Variants in PCDHGB4 observed in about 807,000 individuals in gnomAD.
The protein encoded by PCDHGB4 is protocadherin gamma-B4.
PCDHGB4 carries 38 observed loss-of-function variants against 60.5 expected under a neutral mutation model. That is an observed-to-expected ratio of 0.63 (90% confidence interval 0.48 to 0.82). The LOEUF is 0.82. Ranked by LOEUF, PCDHGB4 falls within the 40% of genes least tolerant of loss-of-function variation. The pLI is 0.00. For synonymous variants in PCDHGB4, 456 were observed against 509.7 expected, an observed-to-expected ratio of 0.89 and a Z score of 1.42; for missense variants, 1,109 against 1,209.6, an observed-to-expected ratio of 0.92 and a Z score of 1.23.
intron 1 of PCDHGB4, chr5:141,427,221 T>C (rs1312743800): frequency 2.2e-6 from 1 of 456,628 alleles, no homozygotes; most frequent in Non-Finnish European, 4.4e-6. Context: ...TCGTAGCAGT[T>C]ATACCATGAG....
chr5:141,465,966 C>CA (rs2099113454), intron 1 of PCDHGB4, among the ~76,000 whole-genome samples: 1 of 151,802 alleles, frequency 6.6e-6, no homozygotes, highest in Non-Finnish European at 1.5e-5. Flanking sequence ...ACTAAAAATA[C>CA]AAAAAATTAG....
At chr5:141,423,758 G>GGGC (rs1554116874) in intron 1 of PCDHGB4, 82 of 366,752 alleles carry the variant, frequency 2.2e-4, no homozygotes, top group Middle Eastern at 4.2e-4. Context: ...TTTGGGGGGG[G>GGGC]GGTGGGGCGG....
chr5:141,467,129 T>G (rs2099137740), intron 1 of PCDHGB4, among the ~76,000 whole-genome samples: 1 of 151,826 alleles, frequency 6.6e-6, no homozygotes, highest in Non-Finnish European at 1.5e-5. Context: ...CTCAGCTCAC[T>G]GCAACCTCTG....
At chr5:141,409,546 C>G in intron 1 of PCDHGB4, 1 of 1,613,998 alleles carries the variant, frequency 6.2e-7, no homozygotes, top group Non-Finnish European at 8.5e-7. Flanking sequence ...TCAACGACAA[C>G]GCCCCAGTTT....
chr5:141,420,540 A>G, intron 1 of PCDHGB4: 1 of 306,814 alleles, frequency 3.3e-6, no homozygotes, highest in Non-Finnish European at 5.7e-6. Context: ...AAAAATATAA[A>G]ATACAGGTAT....
intron 1 of PCDHGB4, chr5:141,404,898 A>G (rs760424169): frequency 1.9e-6 from 3 of 1,613,714 alleles, no homozygotes; most frequent in Non-Finnish European, 2.5e-6. Context: ...GTACAGGACC[A>G]TGGCCAGCCC....
intron 1 of PCDHGB4, chr5:141,402,966 C>T (rs749578447): frequency 6.2e-7 from 1 of 1,606,060 alleles, no homozygotes; most frequent in Non-Finnish European, 8.5e-7. Flanking sequence ...GCAGCTCCAA[C>T]CAAATGCCAG....
intron 1 of PCDHGB4, chr5:141,415,740 G>GTTTTTTTTTTTTTTTTTTTTTTTTTTTTT (rs57426385): frequency 8.0e-6 from 5 of 625,030 alleles, no homozygotes; most frequent in African/African-American, 2.5e-5. Flanking sequence ...GTTTATTAAG[G>GTTTTTTTTTTTTTTTTTTTTTTTTTTTTT]TTTTTTTTTT....
intron 2 of PCDHGB4, among the ~76,000 whole-genome samples, chr5:141,503,222 G>A (rs540244346): frequency 2.2e-4 from 34 of 152,120 alleles, no homozygotes; most frequent in African/African-American, 7.7e-4. Context: ...CATGAGCACC[G>A]TAAAGATGGA....
chr5:141,505,589 C>T, intron 3 of PCDHGB4, 108 bp downstream of exon 3: 1 of 1,573,272 alleles, frequency 6.4e-7, no homozygotes, highest in Non-Finnish European at 8.6e-7. Context: ...GTAGTTTCTC[C>T]AGATCTTTCG....
chr5:141,406,434 A>G (rs1203599965), intron 1 of PCDHGB4, among the ~76,000 whole-genome samples: 1 of 152,238 alleles, frequency 6.6e-6, no homozygotes, highest in Non-Finnish European at 1.5e-5. Context: ...TATTGCTTCT[A>G]TTCTTCCATT....
At position 141,490,148 on chromosome 5, in the gene PCDHGB4, A is replaced by G. The variant is rs2154582223; in HGVS notation, c.2398-4659A>G. The G allele has an allele frequency of 1.2e-6, 2 of 1,614,232 alleles. No homozygotes were observed. The highest frequency in any genetic ancestry group is 4.5e-5 in the East Asian group (2 of 44,888). On this transcript the variant is annotated intron_variant, in intron 1 of 3. Coordinates refer to ENST00000519479, the MANE Select transcript of PCDHGB4 (RefSeq NM_003736.4). The surrounding 1 kb of genome is among the most constrained non-coding windows in gnomAD (Gnocchi z 5.4). The stretch of plus-strand genomic sequence containing the variant: ...CTAGACCCTAGCAGTGGGGCAATCC[A>G]TGTGTTGGGTCCCATAGACTTTGAG...
chr5:141,459,947 A>T (rs2098978538), intron 1 of PCDHGB4, among the ~76,000 whole-genome samples: 1 of 152,200 alleles, frequency 6.6e-6, no homozygotes, highest in African/African-American at 2.4e-5. Context: ...GCGTGATGGC[A>T]GGTGCCTGTA....
intron 1 of PCDHGB4, among the ~76,000 whole-genome samples, chr5:141,400,831 C>CT (rs1457237248): frequency 1.3e-5 from 2 of 152,146 alleles, no homozygotes; most frequent in Admixed American, 6.5e-5. Flanking sequence ...TTGTCTCATT[C>CT]TTTAACATGT....
chr5:141,491,723 G>C lies in PCDHGB4; in HGVS notation c.2398-3084G>C. The C allele has an allele frequency of 1.2e-6, 2 of 1,606,770 alleles. No homozygotes were observed. The highest frequency in any genetic ancestry group is 1.7e-6 in the Non-Finnish European group (2 of 1,177,028). On this transcript the variant is annotated intron_variant, in intron 1 of 3. Transcript: ENST00000519479. The surrounding 1 kb of genome is among the most constrained non-coding windows in gnomAD (Gnocchi z 6.9). The stretch of plus-strand genomic sequence containing the variant: ...CAGGTGAGGGGCTCGGCGCCGCCCC[G>C]GGCGACCCCTGGGGGCGGCACTGGA...
intron 1 of PCDHGB4, among the ~76,000 whole-genome samples, chr5:141,450,223 G>A (rs1458841129): frequency 2.0e-5 from 3 of 151,818 alleles, no homozygotes; most frequent in Non-Finnish European, 4.4e-5. Context: ...TCACTATGTT[G>A]GCCAGGCTAG....
intron 1 of PCDHGB4, chr5:141,426,513 C>T (rs780618436): frequency 6.2e-5 from 21 of 341,148 alleles, no homozygotes; most frequent in Non-Finnish European, 1.1e-4. Context: ...AATACTTTAC[C>T]GTGAACACGG....
chr5:141,475,486 T>G (rs576743657), intron 1 of PCDHGB4, among the ~76,000 whole-genome samples: 1 of 152,252 alleles, frequency 6.6e-6, no homozygotes, highest in Non-Finnish European at 1.5e-5. Flanking sequence ...TGGTAAGAGA[T>G]AAAACTGAAA....
intron 1 of PCDHGB4, chr5:141,442,416 T>A (rs2098323395): frequency 6.6e-6 from 1 of 152,206 alleles, no homozygotes; most frequent in Non-Finnish European, 1.5e-5. Flanking sequence ...CTGAGTGAAC[T>A]TCTTTTTTGA....
Sources: gnomAD v4.1 joint callset for allele counts (sites outside exome capture counted in the v4.1 genomes callset) on GRCh38, gnomAD v4.1.1 for gene constraint, Gnocchi (gnomAD v3.1) non-coding constraint, MANE v1.5 for transcripts, NCBI Gene and HGNC (gene_info 2026-07-23, HGNC 2026-07-21) for gene names.